Variants in FMN2 observed in about 807,000 individuals in gnomAD.
The protein encoded by FMN2 is formin 2.
FMN2 carries 51 observed loss-of-function variants against 142.3 expected under a neutral mutation model. The ratio of observed to expected loss-of-function variants is 0.36; its 90% CI spans 0.29 to 0.45. FMN2 has a LOEUF of 0.45. FMN2 is among the 20% of genes least tolerant of loss of function. The pLI, the probability that FMN2 is intolerant of heterozygous loss-of-function variation, is 1.00. For synonymous variants in FMN2, 882 were observed against 869.8 expected, an observed-to-expected ratio of 1.01 and a Z score of -0.25; for missense variants, 1,936 against 2,122.8, an observed-to-expected ratio of 0.91 and a Z score of 1.73.
In FMN2 at chr1:240,439,279, A is replaced by AAAAAAAAGAAAG. The variant is rs555074808; in HGVS notation, c.5060+1072_5060+1073insAAAAGAAAGAAA. ...CAGAGCAAGGCTGTCTCAAAAAAAAAAAAGAAAGAAAGAAAGAAAGAAAGA... is the reference window on the plus strand; with the variant it reads ...CAGAGCAAGGCTGTCTCAAAAAAAAAAAAAAAAGAAAGAAAGAAAGAAAGAAAGAAAGAAAGA... On this transcript the variant is annotated intron_variant, in intron 16 of 17. Transcript: ENST00000319653. Among the ~76,000 whole-genome samples, 19 of 124,764 alleles carry AAAAAAAAGAAAG rather than the reference A, an allele frequency of 1.5e-4. 1 individual carries two copies. The highest frequency in any genetic ancestry group is 1.9e-4 in the African/African-American group (6 of 31,980). 81.9% of individuals were successfully genotyped at this position (124,764 alleles called of 152,430 possible).
At chr1:240,322,201 A>C (rs901075571) in intron 8 of FMN2, among the ~76,000 whole-genome samples, 1 of 32,342 alleles carries the variant, frequency 3.1e-5, no homozygotes, top group Admixed American at 4.1e-4. Flanking sequence ...ACTATGGTTT[A>C]AAAAAAAATC....
intron 8 of FMN2, among the ~76,000 whole-genome samples, chr1:240,307,426 G>GT (rs1670448395): frequency 6.6e-6 from 1 of 152,144 alleles, no homozygotes; most frequent in South Asian, 2.1e-4. Context: ...TTTATGTGTG[G>GT]TAAGAGGTAG....
intron 15 of FMN2, among the ~76,000 whole-genome samples, chr1:240,435,154 T>C (rs1675323160): frequency 6.7e-6 from 1 of 149,872 alleles, no homozygotes; most frequent in South Asian, 2.1e-4. Flanking sequence ...TTTTTGCCTC[T>C]TATAAAGTGA....
At chr1:240,452,206 T>TA (rs1186557768) in intron 16 of FMN2, among the ~76,000 whole-genome samples, 3 of 152,014 alleles carry the variant, frequency 2.0e-5, no homozygotes, top group Admixed American at 2.0e-4. Flanking sequence ...AATAAATAAA[T>TA]AAAAAATTTA....
intron 16 of FMN2, among the ~76,000 whole-genome samples, chr1:240,447,674 G>A (rs1218799538): frequency 2.6e-5 from 4 of 152,332 alleles, no homozygotes; most frequent in East Asian, 1.9e-4. Context: ...GGGCCTGAAC[G>A]TAGATTCGTC....
chr1:240,370,938 G>C (rs1222747414), intron 14 of FMN2, among the ~76,000 whole-genome samples: 1 of 151,916 alleles, frequency 6.6e-6, no homozygotes. Flanking sequence ...TCAAAAATGT[G>C]TGTTTATTTA....
chr1:240,355,970 A>C (rs1438689787), intron 14 of FMN2, 62 bp downstream of exon 14: 11 of 457,598 alleles, frequency 2.4e-5, no homozygotes, highest in Admixed American at 1.1e-4. Flanking sequence ...AAAAAAAAAA[A>C]AAAAAAAAAA....
chr1:240,252,332 G>T (rs1048915517), intron 6 of FMN2, among the ~76,000 whole-genome samples: 2 of 151,856 alleles, frequency 1.3e-5, no homozygotes, highest in Admixed American at 1.3e-4. Flanking sequence ...TTCCTTATTT[G>T]TGCATTTGCT....
intron 15 of FMN2, among the ~76,000 whole-genome samples, chr1:240,418,288 C>T (rs1356167056): frequency 6.6e-6 from 1 of 151,792 alleles, no homozygotes; most frequent in Admixed American, 6.6e-5. Flanking sequence ...CAACCTCCAC[C>T]TCCCGGGTTC....
At chr1:240,211,373 T>C (rs1012013431) in intron 6 of FMN2, 138 bp downstream of exon 6, 7 of 755,420 alleles carry the variant, frequency 9.3e-6, no homozygotes, top group Non-Finnish European at 4.2e-6. Context: ...GTTAGAACTT[T>C]AGAACATGTG....
intron 8 of FMN2, among the ~76,000 whole-genome samples, chr1:240,307,433 G>T (rs538070307): frequency 6.6e-6 from 1 of 152,162 alleles, no homozygotes; most frequent in Non-Finnish European, 1.5e-5. Flanking sequence ...GTGGTAAGAG[G>T]TAGTGGTCCG....
At chr1:240,210,452 T>C (rs545957182) in intron 5 of FMN2, among the ~76,000 whole-genome samples, 10 of 152,370 alleles carry the variant, frequency 6.6e-5, no homozygotes, top group African/African-American at 1.7e-4. Flanking sequence ...CTGATGACTT[T>C]TAATTTTTCA....
At chr1:240,449,750 C>T (rs9660423) in intron 16 of FMN2, among the ~76,000 whole-genome samples, 134,513 of 152,202 alleles carry the variant, frequency 0.88, 59,576 homozygotes, top group Admixed American at 0.94. Flanking sequence ...TTATTTAAAT[C>T]ATTACATATA....
Position 240,286,668 on chromosome 1 carries a change from G to A in FMN2, c.4154-8154G>A, listed in dbSNP as rs12131956. ...CTATAGCTTTAGTGAAACTTCAGGAGAGAACAAAATCAAATGTGTGTACTT... is the reference window on the plus strand; with the variant it reads ...CTATAGCTTTAGTGAAACTTCAGGAAAGAACAAAATCAAATGTGTGTACTT... On this transcript the variant is annotated intron_variant, in intron 7 of 17. Coordinates refer to ENST00000319653, the MANE Select transcript of FMN2 (RefSeq NM_020066.5). 9.7e-3 allele frequency among the ~76,000 whole-genome samples: 1,472 copies of A among 152,166 alleles called. 9 individuals are homozygous for A. Among genetic ancestry groups the A allele is most frequent in the Non-Finnish European group, 0.017 (1,140 of 68,016 alleles).
intron 2 of FMN2, among the ~76,000 whole-genome samples, chr1:240,129,746 A>AC (rs757640849): frequency 6.6e-6 from 1 of 150,646 alleles, no homozygotes; most frequent in East Asian, 2.0e-4. Flanking sequence ...CAAGTGATCC[A>AC]CCCCCTCAGC....
At chr1:240,369,118 C>T (rs1389684060) in intron 14 of FMN2, among the ~76,000 whole-genome samples, 1 of 152,080 alleles carries the variant, frequency 6.6e-6, no homozygotes, top group Non-Finnish European at 1.5e-5. Flanking sequence ...CGATTTTGTA[C>T]ACTTTCACCT....
intron 16 of FMN2, among the ~76,000 whole-genome samples, chr1:240,443,067 G>GCTC (rs1558109782): frequency 6.6e-6 from 1 of 152,076 alleles, no homozygotes. Context: ...CCTGGTCATG[G>GCTC]CTCCCTACAA....
At chr1:240,460,044 T>G (rs543228820) in intron 16 of FMN2, among the ~76,000 whole-genome samples, 1 of 152,304 alleles carries the variant, frequency 6.6e-6, no homozygotes, top group South Asian at 2.1e-4. Flanking sequence ...AAATTCCTCC[T>G]AGAAATTAGA....
chr1:240,318,093 T>C (rs1670851375), intron 8 of FMN2, among the ~76,000 whole-genome samples: 1 of 152,228 alleles, frequency 6.6e-6, no homozygotes, highest in Admixed American at 6.5e-5. Context: ...ATTGAGTTGC[T>C]CATTTGCGCC....
Sources: gnomAD v4.1 joint callset for allele counts (sites outside exome capture counted in the v4.1 genomes callset) on GRCh38, gnomAD v4.1.1 for gene constraint, MANE v1.5 for transcripts, NCBI Gene and HGNC (gene_info 2026-07-23, HGNC 2026-07-21) for gene names.